KMT2A: variants seen among roughly 807,000 people sequenced by gnomAD.
KMT2A encodes lysine methyltransferase 2A, also known as histone-lysine N-methyltransferase 2A.
KMT2A carries 16 observed loss-of-function variants against 345.3 expected under a neutral mutation model. The ratio of observed to expected loss-of-function variants is 0.05; its 90% CI spans 0.03 to 0.07. KMT2A has a LOEUF of 0.07. Ranked by LOEUF, KMT2A falls within the 10% of genes least tolerant of loss-of-function variation. The pLI is 1.00. For synonymous variants in KMT2A, 1,599 were observed against 1,778.6 expected (o/e 0.90, Z 2.54); for missense variants, 3,272 against 4,841.6 (o/e 0.68, Z 9.62).
intron 1 of KMT2A, among the ~76,000 whole-genome samples, chr11:118,459,535 T>G (rs1949706924): frequency 6.6e-6 from 1 of 152,170 alleles, no homozygotes; most frequent in Non-Finnish European, 1.5e-5. Flanking sequence ...TAGGCTGTAT[T>G]CATCTGAGGC....
intron 15 of KMT2A, among the ~76,000 whole-genome samples, chr11:118,492,137 A>G (rs1011338559): frequency 2.6e-5 from 4 of 152,216 alleles, no homozygotes; most frequent in Admixed American, 6.5e-5. Context: ...TGCTGTTACA[A>G]TGAGAAATTT....
In KMT2A at chr11:118,521,866, C is replaced by T; in HGVS notation, c.11644-31C>T. 2 of 1,598,728 alleles carry T rather than the reference C, an allele frequency of 1.3e-6. No homozygotes were observed. The highest frequency in any genetic ancestry group is 8.6e-7 in the Non-Finnish European group (1 of 1,167,596). On this transcript the variant is annotated intron_variant, in intron 35 of 35. Coordinates refer to ENST00000534358, the MANE Select transcript of KMT2A (RefSeq NM_001197104.2). The surrounding 1 kb of genome is among the most constrained non-coding windows in gnomAD (Gnocchi z 5.3). ...TTAAAGCTGAGTTTATAAGAAATGA[C>T]AAGTTCTTCTCCCTTCTTCTGCATG...
chr11:118,512,116 C>T, intron 31 of KMT2A, 91 bp downstream of exon 31: 1 of 1,222,158 alleles, frequency 8.2e-7, no homozygotes, highest in Non-Finnish European at 1.2e-6. Context: ...AAAAAAAAAT[C>T]AGTTAAAAAT....
intron 1 of KMT2A, among the ~76,000 whole-genome samples, chr11:118,464,621 A>T (rs1555033686): frequency 6.6e-6 from 1 of 152,166 alleles, no homozygotes; most frequent in African/African-American, 2.4e-5. Flanking sequence ...TCAGCTGCAG[A>T]CAAGTGTAGA....
intron 1 of KMT2A, among the ~76,000 whole-genome samples, chr11:118,438,166 G>A (rs1185424036): frequency 6.6e-6 from 1 of 151,930 alleles, no homozygotes; most frequent in Non-Finnish European, 1.5e-5. Flanking sequence ...TTTGGGATGG[G>A]AGAAAAAGGA....
At chr11:118,441,585 T>C (rs1949315287) in intron 1 of KMT2A, among the ~76,000 whole-genome samples, 1 of 152,218 alleles carries the variant, frequency 6.6e-6, no homozygotes, top group South Asian at 2.1e-4. Flanking sequence ...TGTAGGTGTA[T>C]GAATTTTGAA....
chr11:118,502,026 G>A lies in KMT2A; in HGVS notation c.6505+169G>A, dbSNP rs574985085. On this transcript the variant is annotated intron_variant, in intron 26 of 35. Coordinates refer to ENST00000534358, the MANE Select transcript of KMT2A (RefSeq NM_001197104.2). This position sits in a 1 kb window ranked among gnomAD's most constrained non-coding sequence, Gnocchi z 4.9. The stretch of plus-strand genomic sequence containing the variant: ...CTAGCACTTTGGGAGGCCAGGGCAG[G>A]TGGATCACCTGAGGTCAGGAGTTCA... Among the ~76,000 whole-genome samples the A allele has an allele frequency of 5.3e-5, 8 of 152,296 alleles. No homozygotes were observed. In the South Asian group the frequency reaches 1.7e-3, roughly 32 times the overall value.
rs782086591 is a variant in KMT2A at position 118,519,772 on chromosome 11, C to G, written c.11301C>G (p.Ala3767=). 6.2e-7 allele frequency: 1 copy of G among 1,613,750 alleles called. No individual in the cohort carries two copies. ...NEPPLNPHGS[A]RAEVHLRKSA... ...CCCCCTTGAACCCTCACGGCTCAGC[C>G]AGGGCTGAAGTCCACCTCAGGCAAG... The change falls in exon 32 of 36, where the codon GCC becomes GCG. Residue 3767 remains alanine (A), a synonymous_variant. Coordinates refer to ENST00000534358, the MANE Select transcript of KMT2A (RefSeq NM_001197104.2).
At chr11:118,478,953 G>A (rs1555038446) in intron 5 of KMT2A, among the ~76,000 whole-genome samples, 1 of 151,908 alleles carries the variant, frequency 6.6e-6, no homozygotes, top group East Asian at 1.9e-4. Context: ...AAGAAGTTTT[G>A]TTTTAATTTT....
intron 1 of KMT2A, among the ~76,000 whole-genome samples, chr11:118,468,384 A>G (rs1181870012): frequency 2.0e-5 from 3 of 152,170 alleles, no homozygotes; most frequent in Non-Finnish European, 4.4e-5. Context: ...AGACTTAAAT[A>G]CTTTTTGAAA....
At position 118,497,874 on chromosome 11, in the gene KMT2A, C is replaced by A; in HGVS notation, c.5665-62C>A. The stretch of plus-strand genomic sequence containing the variant: ...GTTATCTTCACTGGAAAAGCTAATG[C>A]CGAGGAAAACCTCCTTTGGCATTAT... On this transcript the variant is annotated intron_variant, in intron 20 of 35. Coordinates refer to ENST00000534358, the MANE Select transcript of KMT2A (RefSeq NM_001197104.2). This position sits in a 1 kb window ranked among gnomAD's most constrained non-coding sequence, Gnocchi z 4.8. 7.5e-7 allele frequency: 1 copy of A among 1,338,282 alleles called. No individual in the cohort carries two copies. Among genetic ancestry groups the A allele is most frequent in the Non-Finnish European group, 1.1e-6 (1 of 942,618 alleles). The allele number at this position is 1,338,282 out of a possible 1,614,324, so 82.9% of individuals were successfully genotyped here.
chr11:118,493,359 T>A lies in KMT2A; in HGVS notation c.5178+129T>A. On this transcript the variant is annotated intron_variant, in intron 16 of 35. Coordinates refer to ENST00000534358, the MANE Select transcript of KMT2A (RefSeq NM_001197104.2). The surrounding 1 kb of genome is among the most constrained non-coding windows in gnomAD (Gnocchi z 5.8). ...TTATATTTAGAAATGTCACGTGGCT[T>A]TAGATACCTAAAAATGTATGAGTTA... is the stretch of plus-strand genomic sequence containing the variant. 1.6e-6 allele frequency: 1 copy of A among 622,582 alleles called. No individual in the cohort carries two copies. Among genetic ancestry groups the A allele is most frequent in the Non-Finnish European group, 2.6e-6 (1 of 386,368 alleles). The allele number at this position is 622,582 out of a possible 1,614,324, so 38.6% of individuals were successfully genotyped here. A position where few individuals can be genotyped will look rare whatever the true frequency, so the allele number is the denominator to read the frequency against.
chr11:118,482,027 G>T lies in KMT2A; in HGVS notation c.3947G>T (p.Arg1316Ile). ...PPQPPTTGPPRKEVPKTTPSE... is the reference protein window; with the variant it reads ...PPQPPTTGPPIKEVPKTTPSE... ...CAGCCACCTACTACAGGACCGCCAA[G>T]AAAAGAAGTTCCCAAAACCACTCCT... is the stretch of plus-strand genomic sequence containing the variant. The change falls in exon 7 of 36, where the codon AGA (arginine) becomes ATA (isoleucine). Residue 1316 changes from arginine to isoleucine, a missense_variant. By Grantham distance (97) the Arg-to-Ile change is moderately conservative. This residue lies in a region of KMT2A where 168 missense variants were observed against 216.0 expected (regional missense o/e 0.78). Transcript: ENST00000534358. The T allele has an allele frequency of 6.2e-7, 1 of 1,614,022 alleles. No homozygotes were observed. The highest frequency in any genetic ancestry group is 1.1e-5 in the South Asian group (1 of 91,070).
At chr11:118,459,812 G>C (rs782101853) in intron 1 of KMT2A, among the ~76,000 whole-genome samples, 1 of 106,106 alleles carries the variant, frequency 9.4e-6, no homozygotes, top group South Asian at 3.4e-4. Flanking sequence ...TCAGCCTCCC[G>C]AGTAGCTAGG....
intron 31 of KMT2A, among the ~76,000 whole-genome samples, chr11:118,516,570 T>C (rs1196534632): frequency 6.6e-6 from 1 of 152,220 alleles, no homozygotes; most frequent in East Asian, 1.9e-4. Context: ...TTATTGTCTG[T>C]CTCTTCCATG....
intron 28 of KMT2A, among the ~76,000 whole-genome samples, 181 bp from the exon 29 acceptor site, chr11:118,508,955 T>C (rs1345160872): frequency 6.6e-6 from 1 of 152,194 alleles, no homozygotes; most frequent in Admixed American, 6.5e-5. Context: ...AAAAGAGTTT[T>C]ATGTTATGTA....
At position 118,511,818 on chromosome 11, in the gene KMT2A, A is replaced by G. The variant is rs1950693439; in HGVS notation, c.11072-133A>G. 1.2e-5 allele frequency: 9 copies of G among 751,352 alleles called. No homozygotes were observed. The Admixed American group carries it at 2.2e-4, about 18-fold the overall frequency. 46.5% of individuals were successfully genotyped at this position (751,352 alleles called of 1,614,324 possible). On this transcript the variant is annotated intron_variant, in intron 30 of 35. Coordinates refer to ENST00000534358, the MANE Select transcript of KMT2A (RefSeq NM_001197104.2). ...AACTGACTTAAACTCTAAGAAAAAT[A>G]ACAAAACACTGCTCTAGGAGGGCAA...
intron 1 of KMT2A, among the ~76,000 whole-genome samples, chr11:118,444,457 T>C (rs1185067561): frequency 6.6e-6 from 1 of 152,224 alleles, no homozygotes; most frequent in Non-Finnish European, 1.5e-5. Context: ...CATAATCTAA[T>C]CTGTAGTGGT....
chr11:118,523,412 T>C lies in KMT2A; in HGVS notation c.*1240T>C, dbSNP rs1250651330. 2 of 228,724 alleles carry C rather than the reference T, an allele frequency of 8.7e-6. No homozygotes were observed. Among genetic ancestry groups the C allele is most frequent in the Admixed American group, 5.7e-5 (1 of 17,576 alleles). 14.2% of individuals were successfully genotyped at this position (228,724 alleles called of 1,614,324 possible). A position where few individuals can be genotyped will look rare whatever the true frequency, so the allele number is the denominator to read the frequency against. On this transcript the variant is annotated 3_prime_UTR_variant, in exon 36 of 36. Coordinates refer to ENST00000534358, the MANE Select transcript of KMT2A (RefSeq NM_001197104.2). Reference sequence around the variant, plus strand: ...CAACCCACAGCTAAAGTAAATTCAATGACACTACTGCCCTGATTACTCCTT... The same window carrying C: ...CAACCCACAGCTAAAGTAAATTCAACGACACTACTGCCCTGATTACTCCTT...
Sources: allele counts gnomAD v4.1 joint callset (sites outside exome capture counted in the v4.1 genomes callset), GRCh38; gene constraint gnomAD v4.1.1; regional missense constraint gnomAD v4.1.1; non-coding constraint Gnocchi (gnomAD v3.1); transcripts MANE v1.5; gene names NCBI Gene and HGNC (gene_info 2026-07-23, HGNC 2026-07-21).